Variants in GCN1 observed in about 807,000 individuals in gnomAD.
The protein encoded by GCN1 is GCN1 activator of EIF2AK4, also known as stalled ribosome sensor GCN1.
GCN1 carries 90 observed loss-of-function variants against 288.4 expected under a neutral mutation model. That is an observed-to-expected ratio of 0.31 (90% CI 0.26 to 0.37). GCN1 has a LOEUF of 0.37. Among genes scored for constraint, GCN1 ranks in the 10% least tolerant of loss-of-function variants. GCN1 has a pLI of 1.00. For synonymous variants in GCN1, 1,386 were observed against 1,420.2 expected, an observed-to-expected ratio of 0.98 and a Z score of 0.54; for missense variants, 2,586 against 3,419.9, an observed-to-expected ratio of 0.76 and a Z score of 6.08.
intron 31 of GCN1, 108 bp from the exon 32 acceptor site, chr12:120,154,017 A>G (rs956240097): frequency 1.1e-6 from 1 of 905,386 alleles, no homozygotes; most frequent in Non-Finnish European, 1.7e-6. Context: ...TGAGGCAAAC[A>G]CTGTTTTGGG....
At chr12:120,192,705 C>G (rs1879042655) in intron 1 of GCN1, among the ~76,000 whole-genome samples, 2 of 144,116 alleles carry the variant, frequency 1.4e-5, no homozygotes, top group African/African-American at 2.6e-5. Context: ...GCACTCTAGC[C>G]TGGGCGACAG....
At chr12:120,157,405 C>T (rs913887797) in intron 26 of GCN1, among the ~76,000 whole-genome samples, 2 of 152,152 alleles carry the variant, frequency 1.3e-5, no homozygotes, top group African/African-American at 4.8e-5. Context: ...GCCATATAAT[C>T]TAGTAATTCC....
At chr12:120,128,192 T>C (rs1490977288) in intron 57 of GCN1, among the ~76,000 whole-genome samples, 1 of 152,218 alleles carries the variant, frequency 6.6e-6, no homozygotes, top group Admixed American at 6.5e-5. Flanking sequence ...AGTCTCCCTA[T>C]GTTGCCCGGC....
Position 120,144,429 on chromosome 12 carries a change from T to C in GCN1, c.5372A>G (p.Glu1791Gly), listed in dbSNP as rs1594264917. 1 of 1,613,692 alleles carries C rather than the reference T, an allele frequency of 6.2e-7. No individual in the cohort carries two copies. The highest frequency in any genetic ancestry group is 8.5e-7 in the Non-Finnish European group (1 of 1,179,726). Residue 1791 changes from glutamate (E) to glycine (G), a missense_variant, in exon 42 of 58, where the codon GAG becomes GGG. By Grantham distance (98) the Glu-to-Gly change is moderately conservative (BLOSUM62 -2). Transcript: ENST00000300648. This position sits in a 1 kb window ranked among gnomAD's most constrained non-coding sequence, Gnocchi z 4.7. The part of the protein sequence containing the change: ...CILKALADEN[E>G]FVRDTALRAG... ...GCGCAGGGCGGTGTCACGCACAAAC[T>C]CATTCTCATCAGCAAGAGCCTGGGC...
chr12:120,177,828 G>A lies in GCN1; in HGVS notation c.661-76C>T. 5.7e-6 allele frequency: 6 copies of A among 1,047,928 alleles called. No individual in the cohort carries two copies. The South Asian group carries it at 7.6e-5, about 13-fold the overall frequency. 64.9% of individuals were successfully genotyped at this position (1,047,928 alleles called of 1,614,324 possible). A position where few individuals can be genotyped will look rare whatever the true frequency, so the allele number is the denominator to read the frequency against. On this transcript the variant is annotated intron_variant, in intron 7 of 57. Transcript: ENST00000300648. ...CACTGGCCTAAGGGGTCCCTCTTGT[G>A]AGAGTGCCTCCAAAAAATACAAATC...
chr12:120,137,299 C>G lies in GCN1; in HGVS notation c.6684G>C (p.Gln2228His). 5 of 1,614,088 alleles carry G rather than the reference C, an allele frequency of 3.1e-6. No individual in the cohort carries two copies. Among genetic ancestry groups the G allele is most frequent in the Non-Finnish European group, 4.2e-6 (5 of 1,179,964 alleles). ...TGTGCAGCTCTTCAATGAGTGCCAA[C>G]TGGTTGCCAGCATCCAGCTTCTGCA... ...AITKKLDAGN[Q>H]LALIEELHKE... The change falls in exon 50 of 58, where the codon CAG becomes CAC. Residue 2228 changes from glutamine to histidine, a missense_variant. This residue lies in a region of GCN1 where 437 missense variants were observed against 570.5 expected (regional missense o/e 0.77). Transcript: ENST00000300648. This position sits in a 1 kb window ranked among gnomAD's most constrained non-coding sequence, Gnocchi z 5.2.
At chr12:120,165,046 TA>T (rs1566311468) in intron 16 of GCN1, among the ~76,000 whole-genome samples, 29 of 140,672 alleles carry the variant, frequency 2.1e-4, no homozygotes, top group African/African-American at 8.0e-4. Context: ...CATATATATA[TA>T]TATATTTTTT....
At chr12:120,170,607 G>C (rs539048434) in intron 14 of GCN1, among the ~76,000 whole-genome samples, 6 of 151,522 alleles carry the variant, frequency 4.0e-5, no homozygotes, top group Non-Finnish European at 7.4e-5. Flanking sequence ...CTGGGAGTTC[G>C]AGATCAGCCT....
At chr12:120,166,565 G>A (rs1430864140) in intron 16 of GCN1, among the ~76,000 whole-genome samples, 3 of 151,312 alleles carry the variant, frequency 2.0e-5, no homozygotes, top group Non-Finnish European at 2.9e-5. Context: ...TTAGCCAGGC[G>A]TGGCGGCATG....
Position 120,181,465 on chromosome 12 carries a change from CAA to C in GCN1, c.426+2102_426+2103del, listed in dbSNP as rs71072594. Among the ~76,000 whole-genome samples, 63 of 74,006 alleles carry C rather than the reference CAA, an allele frequency of 8.5e-4. 1 individual carries two copies. The highest frequency in any genetic ancestry group is 1.3e-3 in the African/African-American group (21 of 16,768). 48.6% of individuals were successfully genotyped at this position (74,006 alleles called of 152,430 possible). A position where few individuals can be genotyped will look rare whatever the true frequency, so the allele number is the denominator to read the frequency against. On this transcript the variant is annotated intron_variant, in intron 5 of 57. Transcript: ENST00000300648. ...GGGTGACAGAGCAAGATCTTTGTCT[CAA>C]AAAAAAAAAAAAAAAAAAAGAAGTC...
chr12:120,135,511 CCG>C (rs1432755118), intron 51 of GCN1, among the ~76,000 whole-genome samples: 1 of 151,990 alleles, frequency 6.6e-6, no homozygotes, highest in African/African-American at 2.4e-5. Context: ...TTACAGGCAC[CCG>C]CCACAATGCC....
At chr12:120,174,028 G>A in intron 13 of GCN1, 43 bp downstream of exon 13, 4 of 1,244,472 alleles carry the variant, frequency 3.2e-6, no homozygotes, top group Non-Finnish European at 4.7e-6. Flanking sequence ...CCACGGTCAA[G>A]GATGAGTACA....
chr12:120,155,992 A>G lies in GCN1; in HGVS notation c.3313-273T>C, dbSNP rs1243260965. ...CTTTTGTTCAAAAAAATTTTAAGGA[A>G]AAATTTACTATATTGTCATCATTTT... On this transcript the variant is annotated intron_variant, in intron 28 of 57. Transcript: ENST00000300648. This position sits in a 1 kb window ranked among gnomAD's most constrained non-coding sequence, Gnocchi z 4.9. Among the ~76,000 whole-genome samples the G allele has an allele frequency of 1.3e-5, 2 of 152,236 alleles. No homozygotes were observed. Among genetic ancestry groups the G allele is most frequent in the African/African-American group, 2.4e-5 (1 of 41,460 alleles).
In GCN1 at chr12:120,159,853, A is replaced by G. The variant is rs368496140; in HGVS notation, c.2721T>C (p.Cys907=). 338 of 1,614,058 alleles carry G rather than the reference A, an allele frequency of 2.1e-4. No individual in the cohort carries two copies. The highest frequency in any genetic ancestry group is 2.8e-4 in the Non-Finnish European group (329 of 1,180,008). The change falls in exon 24 of 58, where the codon TGT becomes TGC. Residue 907 remains cysteine, a synonymous_variant. Transcript: ENST00000300648. ...IKNPFLSLAA[C]VMPSRLKALG... ...AAGCCTTGAGCCTAGAGGGCATGAC[A>G]CAGGCAGCCAAGGACAAGAAGGGGT...
Position 120,156,862 on chromosome 12 carries a change from T to C in GCN1, c.3168+50A>G, listed in dbSNP as rs374527411. 1.9e-5 allele frequency: 24 copies of C among 1,267,930 alleles called. No individual in the cohort carries two copies. The highest frequency in any genetic ancestry group is 1.9e-4 in the Middle Eastern group (1 of 5,340). 78.5% of individuals were successfully genotyped at this position (1,267,930 alleles called of 1,614,324 possible). A position where few individuals can be genotyped will look rare whatever the true frequency, so the allele number is the denominator to read the frequency against. ...CCACCCTTTACACTGGGACTTGAGG[T>C]CTGGGTCACGAACTGAGTCACAGCA... On this transcript the variant is annotated intron_variant, in intron 27 of 57. Transcript: ENST00000300648. The surrounding 1 kb of genome is among the most constrained non-coding windows in gnomAD (Gnocchi z 5.8).
At chr12:120,189,825 G>A (rs779741888) in intron 2 of GCN1, among the ~76,000 whole-genome samples, 16 of 151,686 alleles carry the variant, frequency 1.1e-4, no homozygotes, top group Non-Finnish European at 2.4e-4. Context: ...CTAAAAACAC[G>A]AAAATTAGCT....
At chr12:120,172,724 G>A (rs963605108) in intron 14 of GCN1, among the ~76,000 whole-genome samples, 12 of 152,204 alleles carry the variant, frequency 7.9e-5, no homozygotes, top group Middle Eastern at 3.2e-3. Context: ...GGCCAGGCTG[G>A]TCACGAACTC....
At chr12:120,160,507 T>C (rs1877891848) in intron 22 of GCN1, among the ~76,000 whole-genome samples, 1 of 152,188 alleles carries the variant, frequency 6.6e-6, no homozygotes, top group African/African-American at 2.4e-5. Flanking sequence ...TAAGAGGGCT[T>C]TTTATGTTAG....
intron 34 of GCN1, among the ~76,000 whole-genome samples, chr12:120,150,420 C>T (rs559461107): frequency 1.1e-4 from 17 of 150,764 alleles, no homozygotes; most frequent in African/African-American, 4.1e-4. Context: ...CATGGTGAAA[C>T]CCTGTCTCTA....
Sources: gnomAD v4.1 joint callset for allele counts (sites outside exome capture counted in the v4.1 genomes callset) on GRCh38, gnomAD v4.1.1 for gene constraint, gnomAD v4.1.1 regional missense constraint, Gnocchi (gnomAD v3.1) non-coding constraint, MANE v1.5 for transcripts, NCBI Gene and HGNC (gene_info 2026-07-23, HGNC 2026-07-21) for gene names.